IMPG1: variants seen among roughly 807,000 people sequenced by gnomAD.
The protein encoded by IMPG1 is interphotoreceptor matrix proteoglycan 1.
IMPG1 carries 85 observed loss-of-function variants against 92.0 expected under a neutral mutation model. The ratio of observed to expected loss-of-function variants is 0.92; its 90% CI spans 0.78 to 1.11. The LOEUF is 1.11. Ranked by LOEUF, IMPG1 falls within the 50% of genes least tolerant of loss-of-function variation. IMPG1 has a pLI of 0.00. For missense variants in IMPG1, 1,022 were observed against 956.0 expected, an observed-to-expected ratio of 1.07 and a Z score of -0.91; for synonymous variants, 367 against 334.1, an observed-to-expected ratio of 1.10 and a Z score of -1.08.
At chr6:76,014,774 C>T (rs928898100) in intron 7 of IMPG1, among the ~76,000 whole-genome samples, 2 of 152,196 alleles carry the variant, frequency 1.3e-5, no homozygotes, top group African/African-American at 2.4e-5. Context: ...GGGAGCACTG[C>T]GGGGGAGAGC....
At chr6:75,952,036 G>A (rs1054246101) in intron 12 of IMPG1, among the ~76,000 whole-genome samples, 3 of 152,094 alleles carry the variant, frequency 2.0e-5, no homozygotes, top group Admixed American at 2.0e-4. Context: ...ATTTTGCATT[G>A]CTACCTTGGG....
At chr6:76,029,446 C>G (rs1378785439) in intron 4 of IMPG1, among the ~76,000 whole-genome samples, 1 of 152,168 alleles carries the variant, frequency 6.6e-6, no homozygotes, top group South Asian at 2.1e-4. Flanking sequence ...TTGTTTTTAA[C>G]AAAAATGAGG....
At chr6:76,045,441 CTTTTTT>C (rs10700038) in intron 1 of IMPG1, among the ~76,000 whole-genome samples, 2 of 122,440 alleles carry the variant, frequency 1.6e-5, no homozygotes, top group African/African-American at 6.0e-5. Context: ...CAACCTCCAT[CTTTTTT>C]TTTTTTTTTT....
intron 7 of IMPG1, among the ~76,000 whole-genome samples, chr6:76,015,800 C>CA (rs35389302): frequency 0.29 from 19,595 of 66,688 alleles, 2,308 homozygotes; most frequent in East Asian, 0.38. Flanking sequence ...AACTCTGTCT[C>CA]AAAAAAAAAA....
chr6:76,022,791 A>G (rs149775903), intron 5 of IMPG1, among the ~76,000 whole-genome samples: 176 of 152,364 alleles, frequency 1.2e-3, no homozygotes, highest in African/African-American at 3.3e-3. Context: ...CAAGCAAAGA[A>G]AAAAGCGTTA....
chr6:76,013,851 T>A (rs1049372435), intron 7 of IMPG1, among the ~76,000 whole-genome samples: 5 of 152,222 alleles, frequency 3.3e-5, no homozygotes, highest in African/African-American at 1.2e-4. Flanking sequence ...ACACAGATAA[T>A]CCCCAAATCA....
intron 1 of IMPG1, among the ~76,000 whole-genome samples, chr6:76,051,875 G>A (rs979543887): frequency 1.3e-5 from 2 of 152,064 alleles, no homozygotes; most frequent in African/African-American, 4.8e-5. Context: ...AGAAGGAAAT[G>A]GTTAGGACCT....
chr6:75,953,314 A>G (rs773631627), intron 12 of IMPG1, among the ~76,000 whole-genome samples: 1 of 152,198 alleles, frequency 6.6e-6, no homozygotes, highest in Non-Finnish European at 1.5e-5. Flanking sequence ...CATGTGCAGA[A>G]CATGTAGGTG....
intron 12 of IMPG1, among the ~76,000 whole-genome samples, chr6:75,976,846 A>C (rs1473619263): frequency 1.3e-5 from 2 of 151,076 alleles, no homozygotes; most frequent in Non-Finnish European, 2.9e-5. Flanking sequence ...CAGAAGGAGG[A>C]GCTTGCAGTG....
chr6:75,955,614 T>C (rs892186690), intron 12 of IMPG1, among the ~76,000 whole-genome samples: 12 of 152,220 alleles, frequency 7.9e-5, no homozygotes, highest in African/African-American at 2.7e-4. Context: ...CTGATTGCCC[T>C]GGCCAGAACT....
rs377412619 is a variant in IMPG1, at chr6:76,034,669, A to G, written c.420T>C (p.Ile140=). The change falls in exon 3 of 17, where the codon ATT becomes ATC. Residue 140 remains isoleucine, a synonymous_variant. Coordinates refer to ENST00000369950, the MANE Select transcript of IMPG1 (RefSeq NM_001563.4). The stretch of plus-strand genomic sequence containing the variant: ...CCTGGGAATTGCTGAAGTTTTTTCC[A>G]ATGTCAAAGAGGCAGAAGGTCTCCT... ...CQQETFCLFD[I]GKNFSNSQEH... 2 of 1,614,130 alleles carry G rather than the reference A, an allele frequency of 1.2e-6. No homozygotes were observed. The highest frequency in any genetic ancestry group is 1.7e-6 in the Non-Finnish European group (2 of 1,180,016).
chr6:75,997,585 A>G (rs944273515), intron 12 of IMPG1, among the ~76,000 whole-genome samples: 2 of 152,184 alleles, frequency 1.3e-5, no homozygotes, highest in African/African-American at 4.8e-5. Flanking sequence ...CCAATAAGGG[A>G]CATTGCCTTA....
Position 75,947,467 on chromosome 6 carries a change from C to A in IMPG1, c.1891G>T (p.Gly631Trp). 1 of 1,613,706 alleles carries A rather than the reference C, an allele frequency of 6.2e-7. No individual in the cohort carries two copies. The highest frequency in any genetic ancestry group is 8.5e-7 in the Non-Finnish European group (1 of 1,179,788). Residue 631 changes from glycine (G) to tryptophan (W), a missense_variant, in exon 14 of 17, where the codon GGG becomes TGG. Physicochemically the swap from Gly to Trp is radical, Grantham distance 184. Coordinates refer to ENST00000369950, the MANE Select transcript of IMPG1 (RefSeq NM_001563.4). ...KQLEILNFRNGSVIVNSKMKF... is the reference protein window; with the variant it reads ...KQLEILNFRNWSVIVNSKMKF... ...ATTTTGCTATTCACAATCACACTCC[C>A]GTTTCTGAAGTTAAGTATTTCAAGT...
At chr6:76,055,390 G>A (rs983926044) in intron 1 of IMPG1, among the ~76,000 whole-genome samples, 1 of 151,874 alleles carries the variant, frequency 6.6e-6, no homozygotes, top group African/African-American at 2.4e-5. Flanking sequence ...TAAAACTTGT[G>A]GAATGAAATT....
intron 12 of IMPG1, among the ~76,000 whole-genome samples, chr6:75,974,420 C>CCTTG (rs1562354990): frequency 3.8e-4 from 51 of 134,562 alleles, no homozygotes; most frequent in East Asian, 3.3e-3. Flanking sequence ...TTCCTTCCTT[C>CCTTG]CTTCCTTGCT....
In IMPG1 at chr6:76,011,019, T is replaced by C. The variant is rs1027756193; in HGVS notation, c.866+147A>G. 1.1e-4 allele frequency: 61 copies of C among 572,750 alleles called. No homozygotes were observed. In the Admixed American group the frequency reaches 1.2e-3, roughly 12 times the overall value. 35.5% of individuals were successfully genotyped at this position (572,750 alleles called of 1,614,324 possible). On this transcript the variant is annotated intron_variant, in intron 8 of 16. Coordinates refer to ENST00000369950, the MANE Select transcript of IMPG1 (RefSeq NM_001563.4). ...AGTCATGTTCTAATTAGACAGTTCCTTTATCTGAAACGTACTCCGTTTCCA... is the reference window on the plus strand; with the variant it reads ...AGTCATGTTCTAATTAGACAGTTCCCTTATCTGAAACGTACTCCGTTTCCA...
rs570866923 is a variant in IMPG1 at position 76,007,514 on chromosome 6, T to C, written c.867-14A>G. The C allele has an allele frequency of 1.3e-5, 21 of 1,586,440 alleles. No individual in the cohort carries two copies. In the South Asian group the frequency reaches 1.9e-4, roughly 15 times the overall value. ...TCTTTCTTTGGTCTTCATTTCATCA[T>C]GCACAATGGAAACATGAAAAAGAGA... On this transcript the variant is annotated splice_polypyrimidine_tract_variant and intron_variant, in intron 8 of 16. Transcript: ENST00000369950.
At chr6:76,032,667 G>A (rs1420122892) in intron 4 of IMPG1, among the ~76,000 whole-genome samples, 5 of 152,152 alleles carry the variant, frequency 3.3e-5, no homozygotes, top group Non-Finnish European at 7.3e-5. Flanking sequence ...AGAGATTGCT[G>A]CAAACTCAAA....
At chr6:76,062,911 C>A (rs934194095) in intron 1 of IMPG1, among the ~76,000 whole-genome samples, 4 of 148,926 alleles carry the variant, frequency 2.7e-5, no homozygotes, top group Non-Finnish European at 5.9e-5. Context: ...GATGCCAGTT[C>A]TCCTTAGAAA....
Sources: gnomAD v4.1 joint callset for allele counts (sites outside exome capture counted in the v4.1 genomes callset) on GRCh38, gnomAD v4.1.1 for gene constraint, MANE v1.5 for transcripts, NCBI Gene and HGNC (gene_info 2026-07-23, HGNC 2026-07-21) for gene names.